NPR3: variants seen among roughly 807,000 people sequenced by gnomAD.
The protein encoded by NPR3 is natriuretic peptide receptor 3, also known as atrial natriuretic peptide receptor 3.
Under a neutral mutation model 54.5 loss-of-function variants are expected in NPR3, and 34 were observed. The observed-to-expected ratio is 0.62, with a 90% CI of 0.47 to 0.83. The LOEUF is 0.83. Ranked by LOEUF, NPR3 falls within the 40% of genes least tolerant of loss-of-function variation. The pLI is 0.00. For synonymous variants in NPR3, 289 were observed against 297.1 expected (o/e 0.97, Z 0.28); for missense variants, 674 against 720.8 (o/e 0.94, Z 0.74).
At chr5:32,738,009 A>G (rs1028705722) in intron 2 of NPR3, among the ~76,000 whole-genome samples, 1 of 152,154 alleles carries the variant, frequency 6.6e-6, no homozygotes, top group Non-Finnish European at 1.5e-5. Context: ...ACATTGTCTA[A>G]TAAATAATTT....
intron 1 of NPR3, among the ~76,000 whole-genome samples, chr5:32,721,559 C>T (rs560782645): frequency 3.9e-5 from 6 of 152,232 alleles, no homozygotes; most frequent in African/African-American, 4.8e-5. Flanking sequence ...GTGGGAGGAT[C>T]GCTTGAGCCC....
intron 3 of NPR3, among the ~76,000 whole-genome samples, chr5:32,740,341 G>C (rs1739974127): frequency 6.6e-6 from 1 of 152,064 alleles, no homozygotes. Context: ...ATCCCTGTCA[G>C]AAAGTTAGAA....
In NPR3 at chr5:32,758,677, T is replaced by C. The variant is rs545788195; in HGVS notation, c.1060-16031T>C. Reference sequence around the variant, plus strand: ...AATGTGTTTGCTCTTGCTTCTCTAGTTCTTTTAATTGTGATGTTAGGGTGT... The same window carrying C: ...AATGTGTTTGCTCTTGCTTCTCTAGCTCTTTTAATTGTGATGTTAGGGTGT... On this transcript the variant is annotated intron_variant, in intron 3 of 7. Transcript: ENST00000265074. Among the ~76,000 whole-genome samples the C allele has an allele frequency of 3.5e-4, 54 of 152,182 alleles. 1 individual carries two copies. Among genetic ancestry groups the C allele is most frequent in the African/African-American group, 1.3e-3 (53 of 41,440 alleles).
At chr5:32,696,766 CG>C (rs1740542241) in intron 1 of NPR3, among the ~76,000 whole-genome samples, 1 of 151,910 alleles carries the variant, frequency 6.6e-6, no homozygotes, top group South Asian at 2.1e-4. Flanking sequence ...CTGTTGAAAG[CG>C]GGATTACTCT....
intron 3 of NPR3, among the ~76,000 whole-genome samples, chr5:32,760,573 A>T (rs1254709529): frequency 2.0e-5 from 3 of 151,436 alleles, no homozygotes; most frequent in African/African-American, 7.3e-5. Context: ...TTTTTTATAT[A>T]TTCTGGATAT....
intron 2 of NPR3, among the ~76,000 whole-genome samples, chr5:32,736,040 G>C (rs180998449): frequency 1.3e-5 from 2 of 152,074 alleles, no homozygotes; most frequent in Admixed American, 6.6e-5. Flanking sequence ...AAACCAGCCT[G>C]GCCAACATAG....
chr5:32,752,748 T>C (rs1740641739), intron 3 of NPR3, among the ~76,000 whole-genome samples: 1 of 152,198 alleles, frequency 6.6e-6, no homozygotes, highest in Non-Finnish European at 1.5e-5. Flanking sequence ...GAAAATGTAA[T>C]CAAGTGGACT....
chr5:32,690,954 C>A (rs1740374710), intron 1 of NPR3, among the ~76,000 whole-genome samples: 2 of 152,166 alleles, frequency 1.3e-5, no homozygotes, highest in African/African-American at 2.4e-5. Flanking sequence ...CTCTCTTGGA[C>A]CTTCTTGCTC....
At chr5:32,715,313 T>C (rs144910951) in intron 1 of NPR3, among the ~76,000 whole-genome samples, 1 of 152,300 alleles carries the variant, frequency 6.6e-6, no homozygotes, top group Non-Finnish European at 1.5e-5. Context: ...GTAGAGAGAG[T>C]TCCTCCCTCT....
At chr5:32,754,289 T>C (rs1740721861) in intron 3 of NPR3, among the ~76,000 whole-genome samples, 1 of 152,186 alleles carries the variant, frequency 6.6e-6, no homozygotes, top group Non-Finnish European at 1.5e-5. Context: ...TTTAATTTGT[T>C]AAATGAAGTA....
At chr5:32,739,192 T>G (rs1211995326) in intron 3 of NPR3, among the ~76,000 whole-genome samples, 162 bp downstream of exon 3, 1 of 137,344 alleles carries the variant, frequency 7.3e-6, no homozygotes, top group African/African-American at 3.1e-5. Flanking sequence ...TGTTTTTTTT[T>G]TTTCCTTTCT....
intron 6 of NPR3, among the ~76,000 whole-genome samples, chr5:32,784,144 T>C (rs993303500): frequency 2.6e-5 from 4 of 152,272 alleles, no homozygotes; most frequent in African/African-American, 7.2e-5. Context: ...TCTGTGAAAA[T>C]AAGAAGCCCT....
chr5:32,695,613 G>A (rs1740512477), intron 1 of NPR3, among the ~76,000 whole-genome samples: 1 of 152,144 alleles, frequency 6.6e-6, no homozygotes, highest in South Asian at 2.1e-4. Flanking sequence ...TCTCCATAGT[G>A]GTTATTCTAG....
chr5:32,697,571 GTTC>G (rs548922269), intron 1 of NPR3, among the ~76,000 whole-genome samples: 98 of 151,934 alleles, frequency 6.5e-4, no homozygotes, highest in African/African-American at 2.3e-3. Context: ...ATTGGTATTA[GTTC>G]TTCTTTAAAT....
At position 32,777,758 on chromosome 5, in the gene NPR3, T is replaced by A. The variant is rs184500660; in HGVS notation, c.1195+2915T>A. On this transcript the variant is annotated intron_variant, in intron 4 of 7. Transcript: ENST00000265074. ...AACCAGAGTGAGATCTCCCTTAGCA[T>A]TAGACAGATTGTAGTTCATGGGTGA... 2.0e-5 allele frequency among the ~76,000 whole-genome samples: 3 copies of A among 152,294 alleles called. No homozygotes were observed. The East Asian group carries it at 5.8e-4, about 29-fold the overall frequency.
intron 1 of NPR3, among the ~76,000 whole-genome samples, chr5:32,699,548 T>A (rs1317922780): frequency 6.6e-6 from 1 of 152,200 alleles, no homozygotes; most frequent in Non-Finnish European, 1.5e-5. Flanking sequence ...CACTTATGAT[T>A]GAGAACATGC....
chr5:32,735,241 T>C (rs1739666454), intron 2 of NPR3, among the ~76,000 whole-genome samples: 1 of 152,160 alleles, frequency 6.6e-6, no homozygotes, highest in African/African-American at 2.4e-5. Flanking sequence ...CATGTCCTTC[T>C]AACCCCTCCT....
At chr5:32,728,156 G>A (rs1264410301) in intron 2 of NPR3, among the ~76,000 whole-genome samples, 4 of 152,138 alleles carry the variant, frequency 2.6e-5, no homozygotes, top group African/African-American at 9.7e-5. Flanking sequence ...CTATATTCAT[G>A]AGTGAGATTC....
chr5:32,712,631 C>T (rs1006571025), intron 1 of NPR3, 86 bp downstream of exon 1: 3 of 1,267,548 alleles, frequency 2.4e-6, no homozygotes, highest in Non-Finnish European at 3.2e-6. Context: ...TCTGCAGACC[C>T]CACTCCCCAC....
Sources: allele counts gnomAD v4.1 joint callset (sites outside exome capture counted in the v4.1 genomes callset), GRCh38; gene constraint gnomAD v4.1.1; transcripts MANE v1.5; gene names NCBI Gene and HGNC (gene_info 2026-07-23, HGNC 2026-07-21).